Variants in MCF2L observed in about 807,000 individuals in gnomAD.
MCF2L encodes MCF.2 cell line derived transforming sequence like, also known as guanine nucleotide exchange factor DBS.
Under a neutral mutation model 153.4 loss-of-function variants are expected in MCF2L, and 97 were observed. The observed-to-expected ratio is 0.63, with a 90% CI of 0.54 to 0.75. The LOEUF is 0.75. MCF2L is among the 30% of genes least tolerant of loss of function. The pLI, the probability that MCF2L is intolerant of heterozygous loss-of-function variation, is 0.00. For synonymous variants in MCF2L, 659 were observed against 632.2 expected, an observed-to-expected ratio of 1.04 and a Z score of -0.64; for missense variants, 1,347 against 1,495.2, an observed-to-expected ratio of 0.90 and a Z score of 1.64.
At chr13:113,013,860 G>A (rs2084329539) in intron 1 of MCF2L, among the ~76,000 whole-genome samples, 1 of 152,224 alleles carries the variant, frequency 6.6e-6, no homozygotes, top group African/African-American at 2.4e-5. Flanking sequence ...GAGACCACCA[G>A]CCTGTCAGTC....
chr13:112,995,501 A>G (rs2083088239), intron 1 of MCF2L, among the ~76,000 whole-genome samples: 1 of 152,130 alleles, frequency 6.6e-6, no homozygotes. Context: ...GCAGTGTCTC[A>G]GGGCTGCCAC....
chr13:112,984,522 G>A (rs1019667472), intron 1 of MCF2L, among the ~76,000 whole-genome samples: 2 of 152,108 alleles, frequency 1.3e-5, no homozygotes, highest in Non-Finnish European at 2.9e-5. Context: ...ACAGGCATGA[G>A]CCATTGCGCC....
intron 20 of MCF2L, 55 bp from the exon 21 acceptor site, chr13:113,086,069 G>T (rs2142034911): frequency 6.4e-7 from 1 of 1,560,810 alleles, no homozygotes. Flanking sequence ...GTCTGTTCCA[G>T]GGGAGCCAGG....
intron 1 of MCF2L, among the ~76,000 whole-genome samples, chr13:112,971,898 T>C (rs2082049512): frequency 6.6e-6 from 1 of 152,256 alleles, no homozygotes. Flanking sequence ...GGAGCAATGC[T>C]ATGGATCTAG....
chr13:113,096,263 G>A, intron 27 of MCF2L, 108 bp from the exon 28 acceptor site: 1 of 834,768 alleles, frequency 1.2e-6, no homozygotes, highest in Non-Finnish European at 1.9e-6. Context: ...GTGGCCAGGA[G>A]CTCCCACCGG....
intron 3 of MCF2L, chr13:113,026,869 C>T (rs763003512): frequency 3.4e-5 from 25 of 735,376 alleles, no homozygotes; most frequent in Admixed American, 1.1e-4. Context: ...GTCTCCCCAG[C>T]GGCGGGCAGG....
chr13:112,981,074 G>A (rs532679994), intron 1 of MCF2L, among the ~76,000 whole-genome samples: 29 of 151,616 alleles, frequency 1.9e-4, no homozygotes, highest in Non-Finnish European at 3.1e-4. Flanking sequence ...TCCCCTTCCT[G>A]TGCACTGGGG....
intron 2 of MCF2L, among the ~76,000 whole-genome samples, chr13:112,915,512 G>C (rs1439929659): frequency 6.6e-6 from 1 of 150,864 alleles, no homozygotes; most frequent in Non-Finnish European, 1.5e-5. Context: ...TGGACTCCCT[G>C]TTCTGTCTCA....
At chr13:112,924,278 C>T (rs1485823584) in intron 2 of MCF2L, among the ~76,000 whole-genome samples, 5 of 152,110 alleles carry the variant, frequency 3.3e-5, no homozygotes, top group Admixed American at 6.6e-5. Flanking sequence ...GCTACAGAGA[C>T]AGCACAGACA....
chr13:112,910,107 A>G (rs931010869), intron 2 of MCF2L: 12 of 152,278 alleles, frequency 7.9e-5, no homozygotes, highest in African/African-American at 2.9e-4. Context: ...ACGTTCATAG[A>G]AAGTGAATAT....
chr13:113,020,377 C>T (rs751748180), intron 2 of MCF2L, among the ~76,000 whole-genome samples: 1 of 152,224 alleles, frequency 6.6e-6, no homozygotes, highest in Non-Finnish European at 1.5e-5. Flanking sequence ...CCGGCTTGGC[C>T]GTCACACATG....
intron 16 of MCF2L, 104 bp downstream of exon 16, chr13:113,081,383 A>C (rs2034119112): frequency 8.5e-7 from 1 of 1,171,336 alleles, no homozygotes; most frequent in African/African-American, 1.5e-5. Flanking sequence ...GCTGTCCACC[A>C]AATGCATGTG....
intron 4 of MCF2L, among the ~76,000 whole-genome samples, chr13:113,050,519 G>A (rs2087170124): frequency 6.6e-6 from 1 of 150,966 alleles, no homozygotes; most frequent in Non-Finnish European, 1.5e-5. Context: ...CAAGGTGTCT[G>A]AGGGACCCCG....
Position 113,045,714 on chromosome 13 carries a change from G to A in MCF2L, c.369+353G>A, listed in dbSNP as rs766430133. ...TTAGTGATTTTCTCCTTTCCAAATC[G>A]GGCCATCTATCTTTAGCTGTGACAC... On this transcript the variant is annotated intron_variant, in intron 4 of 29. Coordinates refer to ENST00000535094, the MANE Select transcript of MCF2L (RefSeq NM_001112732.3). This position sits in a 1 kb window ranked among gnomAD's most constrained non-coding sequence, Gnocchi z 4.2. The A allele has an allele frequency of 4.8e-5, 14 of 289,330 alleles. No individual in the cohort carries two copies. The highest frequency in any genetic ancestry group is 8.7e-5 in the Admixed American group (2 of 23,046). 17.9% of individuals were successfully genotyped at this position (289,330 alleles called of 1,614,324 possible). A position where few individuals can be genotyped will look rare whatever the true frequency, so the allele number is the denominator to read the frequency against.
Position 113,082,560 on chromosome 13 carries a change from A to G in MCF2L, c.1991+18A>G. 2 of 1,524,478 alleles carry G rather than the reference A, an allele frequency of 1.3e-6. No homozygotes were observed. The highest frequency in any genetic ancestry group is 1.8e-6 in the Non-Finnish European group (2 of 1,100,014). 94.4% of individuals were successfully genotyped at this position (1,524,478 alleles called of 1,614,324 possible). A position where few individuals can be genotyped will look rare whatever the true frequency, so the allele number is the denominator to read the frequency against. ...CACAACAGGTGGGCCCTTCCCCCCG[A>G]CACAGGCACGCACCCGTGATCTCTT... On this transcript the variant is annotated intron_variant, in intron 17 of 29. Coordinates refer to ENST00000535094, the MANE Select transcript of MCF2L (RefSeq NM_001112732.3).
chr13:113,087,908 G>A (rs979503257), intron 23 of MCF2L, 109 bp downstream of exon 23: 27 of 881,894 alleles, frequency 3.1e-5, no homozygotes, highest in East Asian at 1.8e-4. Context: ...AGGAGCAGCC[G>A]CTGTACACTT....
At chr13:113,001,865 G>T (rs1278854950) in intron 1 of MCF2L, 1 of 1,554,350 alleles carries the variant, frequency 6.4e-7, no homozygotes. Context: ...CCCGGGAAGG[G>T]CGTTCCGGGA....
chr13:112,991,318 T>C (rs3011533), intron 1 of MCF2L, among the ~76,000 whole-genome samples: 58,605 of 128,552 alleles, frequency 0.46, 12,745 homozygotes, highest in African/African-American at 0.56. Context: ...GGACCTGATT[T>C]GCTGTGTTTT....
chr13:112,992,888 A>C (rs1420610542), intron 1 of MCF2L, among the ~76,000 whole-genome samples: 1 of 152,232 alleles, frequency 6.6e-6, no homozygotes, highest in Non-Finnish European at 1.5e-5. Flanking sequence ...GACAAAAGAA[A>C]ACATTTCTCT....
Sources: allele counts gnomAD v4.1 joint callset (sites outside exome capture counted in the v4.1 genomes callset), GRCh38; gene constraint gnomAD v4.1.1; non-coding constraint Gnocchi (gnomAD v3.1); transcripts MANE v1.5; gene names NCBI Gene and HGNC (gene_info 2026-07-23, HGNC 2026-07-21).